HORMAD2: variants seen among roughly 807,000 people sequenced by gnomAD.
HORMAD2 encodes HORMA domain containing 2, also known as HORMA domain-containing protein 2.
Under a neutral mutation model 38.8 loss-of-function variants are expected in HORMAD2, and 45 were observed. The observed-to-expected ratio is 1.16, with a 90% CI of 0.91 to 1.49. The LOEUF is 1.49. Ranked by LOEUF, HORMAD2 falls within the 40% of genes most tolerant of loss-of-function variation. The probability of loss-of-function intolerance (pLI) is 0.00; values close to 1 mark genes in which losing one functional copy is unlikely to be tolerated. For synonymous variants in HORMAD2, 126 were observed against 122.8 expected, an observed-to-expected ratio of 1.03 and a Z score of -0.17; for missense variants, 338 against 367.0, an observed-to-expected ratio of 0.92 and a Z score of 0.65.
At chr22:30,082,575 T>A (rs1264937117) in intron 1 of HORMAD2, among the ~76,000 whole-genome samples, 1 of 152,014 alleles carries the variant, frequency 6.6e-6, no homozygotes, top group Non-Finnish European at 1.5e-5. Context: ...GAGGCCAGTC[T>A]GGGCAACATA....
the HORMAD2 span, among the ~76,000 whole-genome samples, chr22:30,198,511 T>C: frequency 6.7e-6 from 1 of 150,140 alleles, no homozygotes; most frequent in African/African-American, 2.4e-5. Context: ...CACAGATCTT[T>C]TTTTTTTTTA....
At chr22:30,118,668 AT>A (rs1922222250) in intron 7 of HORMAD2, among the ~76,000 whole-genome samples, 1 of 152,222 alleles carries the variant, frequency 6.6e-6, no homozygotes, top group Admixed American at 6.5e-5. Context: ...ACATGAATGA[AT>A]GGTTTCTCAA....
the HORMAD2 span, among the ~76,000 whole-genome samples, chr22:30,188,071 T>G: frequency 6.6e-6 from 1 of 152,080 alleles, no homozygotes; most frequent in East Asian, 1.9e-4. Context: ...AATATATCTT[T>G]TTTAAAAAAA....
At chr22:30,143,103 C>A (rs184011751) in intron 10 of HORMAD2, among the ~76,000 whole-genome samples, 1 of 152,204 alleles carries the variant, frequency 6.6e-6, no homozygotes, top group Admixed American at 6.5e-5. Context: ...CTATTATTGG[C>A]AAATATACTA....
chr22:30,202,108 T>A, the HORMAD2 span, among the ~76,000 whole-genome samples: 138,911 of 152,226 alleles, frequency 0.91, 63,476 homozygotes, highest in East Asian at 1. Context: ...TTAAAGCAGT[T>A]GTAACTTACC....
At chr22:30,186,786 A>G in the HORMAD2 span, among the ~76,000 whole-genome samples, 1 of 152,006 alleles carries the variant, frequency 6.6e-6, no homozygotes, top group East Asian at 1.9e-4. Context: ...GGCATAATTT[A>G]CCAAAGGTCA....
At chr22:30,172,326 T>C (rs1926159910) in intron 10 of HORMAD2, among the ~76,000 whole-genome samples, 2 of 152,220 alleles carry the variant, frequency 1.3e-5, no homozygotes, top group Non-Finnish European at 2.9e-5. Context: ...TGACACTCAA[T>C]AAATAACTGC....
At chr22:30,091,449 A>G (rs572485988) in intron 1 of HORMAD2, among the ~76,000 whole-genome samples, 1 of 151,258 alleles carries the variant, frequency 6.6e-6, no homozygotes, top group South Asian at 2.1e-4. Flanking sequence ...TATTTTTTGT[A>G]CAGATAGGGT....
chr22:30,195,192 C>CA, the HORMAD2 span, among the ~76,000 whole-genome samples: 39,913 of 88,982 alleles, frequency 0.45, 7,246 homozygotes, highest in Middle Eastern at 0.57. Context: ...GACTCCGTCT[C>CA]AAAAAAAAAA....
chr22:30,080,636 G>A (rs1182955568), intron 1 of HORMAD2, 145 bp downstream of exon 1: 1 of 152,168 alleles, frequency 6.6e-6, no homozygotes, highest in African/African-American at 2.4e-5. Flanking sequence ...TATTTCGTGA[G>A]GGCCTAAAGT....
intron 1 of HORMAD2, among the ~76,000 whole-genome samples, chr22:30,083,804 T>A (rs1339182934): frequency 6.6e-6 from 1 of 152,162 alleles, no homozygotes; most frequent in Admixed American, 6.5e-5. Flanking sequence ...AGTTTCACCA[T>A]GTTTTTTGAA....
intron 10 of HORMAD2, among the ~76,000 whole-genome samples, chr22:30,134,715 T>G (rs1362769036): frequency 1.3e-5 from 2 of 151,912 alleles, no homozygotes; most frequent in East Asian, 3.9e-4. Context: ...AAAAAAGTTC[T>G]ACTATATTCT....
chr22:30,198,529 C>G, the HORMAD2 span, among the ~76,000 whole-genome samples: 18 of 151,902 alleles, frequency 1.2e-4, no homozygotes, highest in Non-Finnish European at 2.4e-4. Context: ...TTAAAGCTCT[C>G]CAGCTGATTA....
At chr22:30,104,140 T>G (rs1056427993) in intron 4 of HORMAD2, among the ~76,000 whole-genome samples, 2 of 152,160 alleles carry the variant, frequency 1.3e-5, no homozygotes, top group Non-Finnish European at 2.9e-5. Context: ...AAATTGATAA[T>G]TCATCATATG....
chr22:30,142,826 A>AT (rs1569108606), intron 10 of HORMAD2, among the ~76,000 whole-genome samples: 1 of 151,834 alleles, frequency 6.6e-6, no homozygotes, highest in African/African-American at 2.4e-5. Flanking sequence ...TTTTTTCACT[A>AT]TTTTTTTGAA....
intron 3 of HORMAD2, among the ~76,000 whole-genome samples, chr22:30,103,121 C>T (rs1405580802): frequency 2.6e-5 from 4 of 152,040 alleles, no homozygotes; most frequent in African/African-American, 9.7e-5. Context: ...GAGATAGTCT[C>T]AATACTACCT....
chr22:30,153,140 G>A (rs2146202465), intron 10 of HORMAD2, among the ~76,000 whole-genome samples: 1 of 151,710 alleles, frequency 6.6e-6, no homozygotes, highest in East Asian at 1.9e-4. Context: ...TCATTCTCCT[G>A]CATTATCCTC....
At chr22:30,198,781 CA>C in the HORMAD2 span, among the ~76,000 whole-genome samples, 1 of 151,756 alleles carries the variant, frequency 6.6e-6, no homozygotes, top group East Asian at 1.9e-4. Context: ...AAAATGGCCT[CA>C]GGTATAATTC....
At chr22:30,189,477 G>A in the HORMAD2 span, among the ~76,000 whole-genome samples, 6 of 145,102 alleles carry the variant, frequency 4.1e-5, no homozygotes, top group Non-Finnish European at 6.1e-5. Context: ...TTTCTGATGC[G>A]TATAATTGCA....
Sources: gnomAD v4.1 joint callset for allele counts (sites outside exome capture counted in the v4.1 genomes callset) on GRCh38, gnomAD v4.1.1 for gene constraint, MANE v1.5 for transcripts, NCBI Gene and HGNC (gene_info 2026-07-23, HGNC 2026-07-21) for gene names.